The following BMPR2 variants were observed in gnomAD, a reference collection of about 807,000 sequenced individuals.
BMPR2 encodes the protein bone morphogenetic protein receptor type-2.
In BMPR2, 29 loss-of-function variants were observed where a neutral mutation model predicts 100.8. That is an observed-to-expected ratio of 0.29 (90% CI 0.21 to 0.39). The LOEUF is 0.39. Ranked by LOEUF, BMPR2 falls within the 10% of genes least tolerant of loss-of-function variation. The pLI is 1.00. For synonymous variants in BMPR2, 382 were observed against 442.3 expected, an observed-to-expected ratio of 0.86 and a Z score of 1.71; for missense variants, 1,011 against 1,274.5, an observed-to-expected ratio of 0.79 and a Z score of 3.15.
chr2:202,467,277 ATAAT>A (rs1311389162), intron 2 of BMPR2, among the ~76,000 whole-genome samples: 1 of 152,170 alleles, frequency 6.6e-6, no homozygotes, highest in Non-Finnish European at 1.5e-5. Flanking sequence ...AAATAAATAA[ATAAT>A]TCTTAGATTA....
Position 202,474,416 on chromosome 2 carries a change from G to T in BMPR2, c.418+6727G>T, listed in dbSNP as rs559928919. Among the ~76,000 whole-genome samples, 76 of 144,244 alleles carry T rather than the reference G, an allele frequency of 5.3e-4. 1 individual carries two copies. In the South Asian group the frequency reaches 0.017, roughly 32 times the overall value. The allele number at this position is 144,244 out of a possible 152,430, so 94.6% of individuals were successfully genotyped here. A position where few individuals can be genotyped will look rare whatever the true frequency, so the allele number is the denominator to read the frequency against. ...GCGGAGGTTGCAGTAAGCTGAGATC[G>T]TGCCACTGCACTCCAGCCTGGGCAA... On this transcript the variant is annotated intron_variant, in intron 3 of 12. Transcript: ENST00000374580.
rs774022253 is a variant in BMPR2, at chr2:202,449,348, T to TA, written c.77-15459dup. Among the ~76,000 whole-genome samples, 13 of 144,058 alleles carry TA rather than the reference T, an allele frequency of 9.0e-5. No individual in the cohort carries two copies. The East Asian group carries it at 1.7e-3, about 19-fold the overall frequency. 94.5% of individuals were successfully genotyped at this position (144,058 alleles called of 152,430 possible). ...ATAAATAAATAAATAAATAAATAAA[T>TA]AATAAAAAAATAACAGACCTGAGAC... On this transcript the variant is annotated intron_variant, in intron 1 of 12. Coordinates refer to ENST00000374580, the MANE Select transcript of BMPR2 (RefSeq NM_001204.7).
At chr2:202,438,066 C>T (rs1467354554) in intron 1 of BMPR2, among the ~76,000 whole-genome samples, 2 of 150,188 alleles carry the variant, frequency 1.3e-5, no homozygotes, top group African/African-American at 5.0e-5. Context: ...ATAATCCCAG[C>T]ACTTTGGGAG....
chr2:202,398,184 CAG>C (rs1242101765), intron 1 of BMPR2, among the ~76,000 whole-genome samples: 5 of 151,666 alleles, frequency 3.3e-5, no homozygotes, highest in Non-Finnish European at 5.9e-5. Context: ...ATATTGAAAC[CAG>C]AGACTCATTT....
intron 3 of BMPR2, among the ~76,000 whole-genome samples, chr2:202,475,659 C>T (rs2105969111): frequency 6.6e-6 from 1 of 152,226 alleles, no homozygotes; most frequent in South Asian, 2.1e-4. Context: ...AAAAGTAATC[C>T]TTTTTCATGT....
intron 9 of BMPR2, among the ~76,000 whole-genome samples, chr2:202,537,985 A>C (rs1020206487): frequency 6.6e-6 from 1 of 151,982 alleles, no homozygotes; most frequent in Non-Finnish European, 1.5e-5. Flanking sequence ...AGACAGGTGC[A>C]GTGGCACACG....
chr2:202,397,280 T>C (rs1690673171), intron 1 of BMPR2, among the ~76,000 whole-genome samples: 1 of 152,182 alleles, frequency 6.6e-6, no homozygotes, highest in Non-Finnish European at 1.5e-5. Context: ...TATGAAACTA[T>C]AGTGATTGTA....
chr2:202,519,499 A>G (rs1458860959), intron 6 of BMPR2, among the ~76,000 whole-genome samples: 1 of 152,246 alleles, frequency 6.6e-6, no homozygotes, highest in East Asian at 1.9e-4. Flanking sequence ...AGGATCTCAC[A>G]CCAGAATGTG....
At chr2:202,386,567 A>G (rs1489453130) in intron 1 of BMPR2, among the ~76,000 whole-genome samples, 2 of 152,110 alleles carry the variant, frequency 1.3e-5, no homozygotes, top group Non-Finnish European at 2.9e-5. Flanking sequence ...ACCTTAATCT[A>G]AAAGCCACTA....
chr2:202,439,725 G>A (rs2105937684), intron 1 of BMPR2, among the ~76,000 whole-genome samples: 1 of 147,772 alleles, frequency 6.8e-6, no homozygotes, highest in East Asian at 1.9e-4. Flanking sequence ...TATGCTGTTA[G>A]TTGTGGGTTT....
In BMPR2 at chr2:202,555,539, G is replaced by A. The variant is rs1380094089; in HGVS notation, c.1874G>A (p.Gly625Asp). Reference sequence around the variant, plus strand: ...ACCACAGGACTCACGCCAAGTACTGGCATGACTACTATATCTGAGATGCCA... The same window carrying A: ...ACCACAGGACTCACGCCAAGTACTGACATGACTACTATATCTGAGATGCCA... ...TNTTGLTPST[G>D]MTTISEMPYP... The change falls in exon 12 of 13, where the codon GGC becomes GAC. Residue 625 changes from glycine to aspartate, a missense_variant. By Grantham distance (94) the Gly-to-Asp change is moderately conservative (BLOSUM62 -1). This residue lies in a region of BMPR2 where 508 missense variants were observed against 552.0 expected (regional missense o/e 0.92). Coordinates refer to ENST00000374580, the MANE Select transcript of BMPR2 (RefSeq NM_001204.7). 2 of 1,614,068 alleles carry A rather than the reference G, an allele frequency of 1.2e-6. No homozygotes were observed. Among genetic ancestry groups the A allele is most frequent in the Admixed American group, 3.3e-5 (2 of 60,010 alleles).
intron 1 of BMPR2, among the ~76,000 whole-genome samples, chr2:202,448,341 G>C (rs1691898335): frequency 6.6e-6 from 1 of 150,536 alleles, no homozygotes; most frequent in Non-Finnish European, 1.5e-5. Flanking sequence ...CAGCTACTCG[G>C]GAGGCTGAGG....
rs901599462 is a variant in BMPR2, at chr2:202,556,558, C to T, written c.2866+27C>T. The T allele has an allele frequency of 2.1e-5, 33 of 1,606,272 alleles. No individual in the cohort carries two copies. The East Asian group carries it at 4.9e-4, about 24-fold the overall frequency. The stretch of plus-strand genomic sequence containing the variant: ...TAAGTGGAGGGATCATATAATCTCT[C>T]CTGTGTGTCTTTTGGGGCCATTTAA... On this transcript the variant is annotated intron_variant, in intron 12 of 12. Coordinates refer to ENST00000374580, the MANE Select transcript of BMPR2 (RefSeq NM_001204.7).
At chr2:202,512,354 A>G (rs6748396) in intron 3 of BMPR2, among the ~76,000 whole-genome samples, 76,522 of 152,094 alleles carry the variant, frequency 0.5, 19,874 homozygotes, top group African/African-American at 0.61. Flanking sequence ...GCATAACTAC[A>G]TCTAGTTAAA....
intron 3 of BMPR2, among the ~76,000 whole-genome samples, chr2:202,470,711 C>T (rs1692419561): frequency 6.7e-6 from 1 of 150,290 alleles, no homozygotes; most frequent in African/African-American, 2.4e-5. Context: ...TTGCAGTGAG[C>T]CGAGATTGCG....
At chr2:202,474,415 C>A (rs979156095) in intron 3 of BMPR2, among the ~76,000 whole-genome samples, 1 of 151,764 alleles carries the variant, frequency 6.6e-6, no homozygotes, top group Non-Finnish European at 1.5e-5. Flanking sequence ...AAGCTGAGAT[C>A]GTGCCACTGC....
intron 1 of BMPR2, among the ~76,000 whole-genome samples, chr2:202,416,794 TA>T (rs1238485921): frequency 2.6e-5 from 4 of 152,092 alleles, no homozygotes; most frequent in Non-Finnish European, 5.9e-5. Context: ...GCAGACGCTG[TA>T]AACATTGTTT....
At chr2:202,537,079 C>T (rs574995540) in intron 9 of BMPR2, among the ~76,000 whole-genome samples, 11 of 151,842 alleles carry the variant, frequency 7.2e-5, no homozygotes, top group South Asian at 4.2e-4. Context: ...TATTTTTTGT[C>T]GAGACAGTGT....
rs917898849 is a variant in BMPR2 at position 202,517,245 on chromosome 2, T to G, written c.622-1577T>G. ...TTAAAAAAAAAAAAAAAGATTTTTT[T>G]TTGTTGTTTTAGTAAGCAATAAACT... On this transcript the variant is annotated intron_variant, in intron 5 of 12. Transcript: ENST00000374580. 4.1e-4 allele frequency among the ~76,000 whole-genome samples: 62 copies of G among 151,716 alleles called. 1 individual carries two copies. Among genetic ancestry groups the G allele is most frequent in the Admixed American group, 3.9e-3 (59 of 15,232 alleles).
Sources: allele counts gnomAD v4.1 joint callset (sites outside exome capture counted in the v4.1 genomes callset), GRCh38; gene constraint gnomAD v4.1.1; regional missense constraint gnomAD v4.1.1; transcripts MANE v1.5; gene names NCBI Gene and HGNC (gene_info 2026-07-23, HGNC 2026-07-21).